ST18: variants seen among roughly 807,000 people sequenced by gnomAD.
The protein encoded by ST18 is ST18 C2H2C-type zinc finger transcription factor.
In ST18, 50 loss-of-function variants were observed where a neutral mutation model predicts 110.0. The observed-to-expected ratio is 0.45, with a 90% CI of 0.36 to 0.58. The LOEUF (loss-of-function observed/expected upper bound fraction) is 0.58, where lower values mean the gene tolerates loss of function less well. Ranked by LOEUF, ST18 falls within the 20% of genes least tolerant of loss-of-function variation. The pLI, the probability that ST18 is intolerant of heterozygous loss-of-function variation, is 0.00. For missense variants in ST18, 1,306 were observed against 1,280.1 expected, an observed-to-expected ratio of 1.02 and a Z score of -0.31; for synonymous variants, 461 against 452.4, an observed-to-expected ratio of 1.02 and a Z score of -0.24.
chr8:52,207,934 A>T (rs1451724676), intron 8 of ST18, among the ~76,000 whole-genome samples: 5 of 152,238 alleles, frequency 3.3e-5, no homozygotes, highest in African/African-American at 1.2e-4. Flanking sequence ...AAAAGAAAAG[A>T]GCAGAGATAA....
At chr8:52,354,061 C>T (rs1240880579) in intron 2 of ST18, among the ~76,000 whole-genome samples, 1 of 152,248 alleles carries the variant, frequency 6.6e-6, no homozygotes, top group Admixed American at 6.5e-5. Flanking sequence ...CACCAAAGAG[C>T]ACCAACCTTT....
chr8:52,403,609 G>C (rs888895128), intron 2 of ST18: 2 of 152,210 alleles, frequency 1.3e-5, no homozygotes, highest in Non-Finnish European at 1.5e-5. Context: ...CTCCTCTTCT[G>C]TATGAGCCCA....
At chr8:52,287,278 T>G (rs1333099220) in intron 2 of ST18, among the ~76,000 whole-genome samples, 3 of 152,204 alleles carry the variant, frequency 2.0e-5, no homozygotes, top group African/African-American at 7.2e-5. Flanking sequence ...CTGAACATTT[T>G]TTAAAGCATT....
At chr8:52,305,224 G>A (rs1250868536) in intron 2 of ST18, among the ~76,000 whole-genome samples, 6 of 152,168 alleles carry the variant, frequency 3.9e-5, no homozygotes, top group African/African-American at 9.7e-5. Context: ...GTAAATGGAA[G>A]CATTTAATAG....
chr8:52,372,350 GA>G (rs576720400), intron 2 of ST18, among the ~76,000 whole-genome samples: 13 of 152,168 alleles, frequency 8.5e-5, no homozygotes, highest in South Asian at 6.2e-4. Context: ...TCAGAAAGCT[GA>G]AAAAAAGTTA....
At chr8:52,212,188 AC>A in intron 7 of ST18, 79 bp from the exon 8 acceptor site, 1 of 1,390,694 alleles carries the variant, frequency 7.2e-7, no homozygotes. Flanking sequence ...CTTTTCCCCC[AC>A]CTAGAGGTAA....
At chr8:52,125,857 T>C (rs1459399748) in intron 23 of ST18, 195 bp downstream of exon 23, 1 of 547,518 alleles carries the variant, frequency 1.8e-6, no homozygotes, top group Non-Finnish European at 3.2e-6. Flanking sequence ...TCACTCCTTA[T>C]TTAAAAATAA....
rs760489357 is a variant in ST18 at position 52,133,146 on chromosome 8, G to A, written c.2364-9C>T. The A allele has an allele frequency of 2.5e-6, 4 of 1,614,154 alleles. No individual in the cohort carries two copies. Among genetic ancestry groups the A allele is most frequent in the Middle Eastern group, 3.3e-4 (2 of 6,062 alleles). On this transcript the variant is annotated splice_polypyrimidine_tract_variant and intron_variant, in intron 20 of 25. Transcript: ENST00000689386. ...GAGGGCATCCGGACAAGCTGAAATA[G>A]GGACCCGACAAAGAACAAAGCAAAA...
At chr8:52,214,529 C>A (rs2083422011) in intron 6 of ST18, among the ~76,000 whole-genome samples, 1 of 152,126 alleles carries the variant, frequency 6.6e-6, no homozygotes, top group African/African-American at 2.4e-5. Context: ...ACACTTCTGG[C>A]ATTACAAAGA....
At chr8:52,220,170 G>A (rs2086095662) in intron 5 of ST18, among the ~76,000 whole-genome samples, 1 of 152,032 alleles carries the variant, frequency 6.6e-6, no homozygotes, top group African/African-American at 2.4e-5. Flanking sequence ...ACACTAAAAG[G>A]GCCTTTACAA....
At chr8:52,400,688 A>G (rs1842578277) in intron 2 of ST18, among the ~76,000 whole-genome samples, 2 of 151,956 alleles carry the variant, frequency 1.3e-5, no homozygotes, top group Admixed American at 6.5e-5. Context: ...TGATCACATA[A>G]AAATACTCTA....
intron 8 of ST18, among the ~76,000 whole-genome samples, chr8:52,191,448 G>A (rs1274974821): frequency 3.3e-5 from 5 of 152,124 alleles, no homozygotes; most frequent in South Asian, 2.1e-4. Context: ...TCCAAAATTC[G>A]GCTGAAACAA....
At chr8:52,281,140 G>A (rs1443659452) in intron 2 of ST18, among the ~76,000 whole-genome samples, 2 of 151,948 alleles carry the variant, frequency 1.3e-5, no homozygotes, top group East Asian at 3.9e-4. Flanking sequence ...AAAATATTAC[G>A]CATTAAAACT....
intron 9 of ST18, among the ~76,000 whole-genome samples, chr8:52,174,600 C>T (rs2133922820): frequency 6.6e-6 from 1 of 152,268 alleles, no homozygotes; most frequent in African/African-American, 2.4e-5. Flanking sequence ...GCGGGAGTGA[C>T]AAAAATGCAC....
chr8:52,212,026 G>C (rs1288843928), intron 8 of ST18, 53 bp downstream of exon 8: 9 of 1,550,120 alleles, frequency 5.8e-6, no homozygotes, highest in East Asian at 4.5e-5. Flanking sequence ...CAAATCATTC[G>C]AATAATCAAG....
chr8:52,386,509 G>T (rs1225409133), intron 2 of ST18, among the ~76,000 whole-genome samples: 1 of 150,758 alleles, frequency 6.6e-6, no homozygotes, highest in Non-Finnish European at 1.5e-5. Context: ...AGAAAAACTG[G>T]GGAGACAAAT....
chr8:52,136,561 G>A (rs1262622551), intron 19 of ST18, 29 bp downstream of exon 19: 1 of 1,596,432 alleles, frequency 6.3e-7, no homozygotes, highest in South Asian at 1.1e-5. Flanking sequence ...GTGGATGAAG[G>A]GCAAGCCGGC....
intron 8 of ST18, among the ~76,000 whole-genome samples, chr8:52,210,287 GC>G (rs1162208490): frequency 6.6e-6 from 1 of 152,144 alleles, no homozygotes; most frequent in Non-Finnish European, 1.5e-5. Context: ...ATTTAAATGA[GC>G]AAGGTTATTC....
At chr8:52,118,256 C>T (rs904728619) in intron 24 of ST18, 82 bp downstream of exon 24, 8 of 912,084 alleles carry the variant, frequency 8.8e-6, no homozygotes, top group Non-Finnish European at 1.2e-5. Flanking sequence ...TATATTTTCA[C>T]ACAAGTTTTA....
Sources: gnomAD v4.1 joint callset for allele counts (sites outside exome capture counted in the v4.1 genomes callset) on GRCh38, gnomAD v4.1.1 for gene constraint, MANE v1.5 for transcripts, NCBI Gene and HGNC (gene_info 2026-07-23, HGNC 2026-07-21) for gene names.